Variants in TMEM51 observed in about 807,000 individuals in gnomAD.
TMEM51 encodes the protein transmembrane protein 51, also known as chromosome 1 open reading frame 72.
TMEM51 carries 8 observed loss-of-function variants against 13.6 expected under a neutral mutation model. The observed-to-expected ratio is 0.59, with a 90% confidence interval of 0.35 to 1.07. The LOEUF is 1.07. Among genes scored for constraint, TMEM51 ranks in the 50% least tolerant of loss-of-function variants. The pLI is 0.02. For synonymous variants in TMEM51, 147 were observed against 144.4 expected, an observed-to-expected ratio of 1.02 and a Z score of -0.13; for missense variants, 279 against 330.7, an observed-to-expected ratio of 0.84 and a Z score of 1.21.
chr1:15,168,694 C>G (rs1314265498), intron 1 of TMEM51: 7 of 1,304,286 alleles, frequency 5.4e-6, no homozygotes, highest in Non-Finnish European at 7.1e-6. Flanking sequence ...AACACGCGTA[C>G]TGTCTCTCCC....
In TMEM51 at chr1:15,215,097, CA is replaced by C. The variant is rs1241331025; in HGVS notation, c.11del (p.Gln4ArgfsTer11). On this transcript the variant is annotated frameshift_variant, in exon 3 of 4. Transcript: ENST00000376008. LOFTEE classifies it high-confidence loss of function. ...CCCTCCTCCCACTGACATGATGGCC[CA>C]GTCCAAGGCCAATGGCTCGCACTAT... is the stretch of plus-strand genomic sequence containing the variant. MMA[Q>X]SKANGSHYAL... The C allele has an allele frequency of 6.2e-7, 1 of 1,604,138 alleles. No individual in the cohort carries two copies. The highest frequency in any genetic ancestry group is 1.3e-5 in the African/African-American group (1 of 74,786).
chr1:15,155,295 A>C (rs930521340), intron 1 of TMEM51, among the ~76,000 whole-genome samples: 1 of 152,170 alleles, frequency 6.6e-6, no homozygotes, highest in African/African-American at 2.4e-5. Context: ...GGGAGCCCCC[A>C]GCCTAGTGAG....
rs999966081 is a variant in TMEM51 at position 15,207,457 on chromosome 1, T to C, written c.-266-3033T>C. ...CCGTTTCAGCCGGGGCAGCGCTGCTTTCCATCGTCCCATCTTATTTCAGTC... is the reference window on the plus strand; with the variant it reads ...CCGTTTCAGCCGGGGCAGCGCTGCTCTCCATCGTCCCATCTTATTTCAGTC... On this transcript the variant is annotated intron_variant, in intron 1 of 3. Coordinates refer to ENST00000376008, the MANE Select transcript of TMEM51 (RefSeq NM_001136218.2). This position sits in a 1 kb window ranked among gnomAD's most constrained non-coding sequence, Gnocchi z 4.6. 2.0e-5 allele frequency among the ~76,000 whole-genome samples: 3 copies of C among 152,350 alleles called. No individual in the cohort carries two copies. The highest frequency in any genetic ancestry group is 7.2e-5 in the African/African-American group (3 of 41,582).
chr1:15,212,768 C>T (rs1236490847), intron 2 of TMEM51, among the ~76,000 whole-genome samples: 1 of 152,260 alleles, frequency 6.6e-6, no homozygotes, highest in Non-Finnish European at 1.5e-5. Flanking sequence ...GTTCAGCGCC[C>T]TGCACGCCAC....
Position 15,193,571 on chromosome 1 carries a change from C to CTTT in TMEM51, c.-266-16918_-266-16916dup, listed in dbSNP as rs1392623062. Among the ~76,000 whole-genome samples the CTTT allele has an allele frequency of 4.6e-3, 368 of 80,362 alleles. 4 individuals carry two copies. Among genetic ancestry groups the CTTT allele is most frequent in the African/African-American group, 8.0e-3 (141 of 17,604 alleles). The allele number at this position is 80,362 out of a possible 152,430, so 52.7% of individuals were successfully genotyped here. ...ACAGCATTTTCTTTTTCTTTTCTTTCTTTCTTTTTTTTTTTTTTTTTTTTG... is the reference window on the plus strand; with the variant it reads ...ACAGCATTTTCTTTTTCTTTTCTTTCTTTTTTCTTTTTTTTTTTTTTTTTTTTG... On this transcript the variant is annotated intron_variant, in intron 1 of 3. Transcript: ENST00000376008.
chr1:15,187,895 T>G (rs1643833251), intron 1 of TMEM51, among the ~76,000 whole-genome samples: 1 of 152,130 alleles, frequency 6.6e-6, no homozygotes, highest in Admixed American at 6.5e-5. Flanking sequence ...CCCCCATTCC[T>G]GAGCCCCCAC....
At chr1:15,204,421 G>T (rs2015392) in intron 1 of TMEM51, among the ~76,000 whole-genome samples, 10,379 of 152,300 alleles carry the variant, frequency 0.068, 536 homozygotes, top group East Asian at 0.29. Flanking sequence ...GGGTGTGGTG[G>T]CGCACGCCTG....
chr1:15,205,073 A>G (rs1416301575), intron 1 of TMEM51, among the ~76,000 whole-genome samples: 3 of 152,150 alleles, frequency 2.0e-5, no homozygotes, highest in Admixed American at 1.3e-4. Flanking sequence ...ACTGAATGTG[A>G]CTGGGTCCCC....
chr1:15,201,487 C>T (rs796249918), intron 1 of TMEM51, among the ~76,000 whole-genome samples: 4 of 151,330 alleles, frequency 2.6e-5, no homozygotes, highest in South Asian at 2.1e-4. Context: ...GTAAGGCACC[C>T]AGCACTGGCA....
intron 1 of TMEM51, among the ~76,000 whole-genome samples, chr1:15,176,375 T>C (rs1643456635): frequency 6.6e-6 from 1 of 152,132 alleles, no homozygotes; most frequent in Admixed American, 6.5e-5. Context: ...TCAAGACGAC[T>C]CTAAATGGCC....
intron 1 of TMEM51, among the ~76,000 whole-genome samples, chr1:15,194,990 T>G (rs1644019132): frequency 6.8e-6 from 1 of 148,066 alleles, no homozygotes; most frequent in South Asian, 2.2e-4. Flanking sequence ...AATGGCGCGA[T>G]CTCATCTCAC....
At chr1:15,171,176 C>T (rs1362435690) in intron 1 of TMEM51, 1 of 1,299,518 alleles carries the variant, frequency 7.7e-7, no homozygotes, top group African/African-American at 1.5e-5. Context: ...ATTTGCATTT[C>T]TAACCAGCTC....
At chr1:15,202,859 G>T (rs938711770) in intron 1 of TMEM51, among the ~76,000 whole-genome samples, 2 of 152,128 alleles carry the variant, frequency 1.3e-5, no homozygotes, top group African/African-American at 4.8e-5. Context: ...AGAAACACAG[G>T]GTGGTGAGCA....
intron 1 of TMEM51, among the ~76,000 whole-genome samples, chr1:15,189,097 G>A (rs943316437): frequency 6.6e-6 from 1 of 152,022 alleles, no homozygotes; most frequent in Non-Finnish European, 1.5e-5. Context: ...CGGGAATACA[G>A]TGGTGTGGTC....
intron 1 of TMEM51, among the ~76,000 whole-genome samples, chr1:15,198,410 A>G (rs915141174): frequency 1.3e-5 from 2 of 151,632 alleles, no homozygotes; most frequent in Non-Finnish European, 2.9e-5. Context: ...ACAAATAGGC[A>G]AAATTAGTAT....
chr1:15,198,509 C>T (rs191608192), intron 1 of TMEM51, among the ~76,000 whole-genome samples: 1 of 151,874 alleles, frequency 6.6e-6, no homozygotes, highest in African/African-American at 2.4e-5. Flanking sequence ...CTCTGCCTCC[C>T]GGGTTCAAGT....
chr1:15,197,539 T>C (rs1644072871), intron 1 of TMEM51, among the ~76,000 whole-genome samples: 1 of 152,172 alleles, frequency 6.6e-6, no homozygotes, highest in South Asian at 2.1e-4. Flanking sequence ...ACCCTGCTTC[T>C]GGCTGAGGCT....
At chr1:15,210,308 C>T (rs1644318595) in intron 1 of TMEM51, among the ~76,000 whole-genome samples, 182 bp from the exon 2 acceptor site, 1 of 152,210 alleles carries the variant, frequency 6.6e-6, no homozygotes. Flanking sequence ...TTCTGCAACT[C>T]ATATTTTTTT....
rs1644262346 is a variant in TMEM51, at chr1:15,207,015, A to G, written c.-266-3475A>G. On this transcript the variant is annotated intron_variant, in intron 1 of 3. Coordinates refer to ENST00000376008, the MANE Select transcript of TMEM51 (RefSeq NM_001136218.2). This position sits in a 1 kb window ranked among gnomAD's most constrained non-coding sequence, Gnocchi z 4.6. The stretch of plus-strand genomic sequence containing the variant: ...GCACCTTTTTTCCTACCCCCACTGC[A>G]TGGGACTGGAAATTGTGACAAAAGT... Among the ~76,000 whole-genome samples the G allele has an allele frequency of 6.6e-6, 1 of 152,216 alleles. No homozygotes were observed.
Sources: allele counts gnomAD v4.1 joint callset (sites outside exome capture counted in the v4.1 genomes callset), GRCh38; gene constraint gnomAD v4.1.1; non-coding constraint Gnocchi (gnomAD v3.1); transcripts MANE v1.5; gene names NCBI Gene and HGNC (gene_info 2026-07-23, HGNC 2026-07-21).